Variants in PDE4D observed in about 807,000 individuals in gnomAD.
PDE4D encodes the protein 3',5'-cyclic-AMP phosphodiesterase 4D.
PDE4D carries 24 observed loss-of-function variants against 87.4 expected under a neutral mutation model. The observed-to-expected ratio is 0.27, with a 90% CI of 0.20 to 0.39. The LOEUF is 0.39. PDE4D is among the 10% of genes least tolerant of loss of function. The pLI, the probability that PDE4D is intolerant of heterozygous loss-of-function variation, is 1.00. For missense variants in PDE4D, 714 were observed against 1,041.0 expected, an observed-to-expected ratio of 0.69 and a Z score of 4.32; for synonymous variants, 384 against 383.2, an observed-to-expected ratio of 1.00 and a Z score of -0.02.
chr5:60,172,570 A>G (rs1301456274), intron 2 of PDE4D, among the ~76,000 whole-genome samples: 2 of 152,042 alleles, frequency 1.3e-5, no homozygotes, highest in African/African-American at 4.8e-5. Flanking sequence ...TTCTCTTCCC[A>G]GCTTGAGGCA....
At chr5:60,148,827 G>A (rs1035912583) in intron 2 of PDE4D, among the ~76,000 whole-genome samples, 1 of 152,126 alleles carries the variant, frequency 6.6e-6, no homozygotes, top group Admixed American at 6.5e-5. Flanking sequence ...GTTTTGAATA[G>A]AACATGGCCA....
At chr5:60,286,493 T>C (rs1463844855) in intron 1 of PDE4D, among the ~76,000 whole-genome samples, 1 of 149,986 alleles carries the variant, frequency 6.7e-6, no homozygotes, top group Non-Finnish European at 1.5e-5. Context: ...TGTGTCAGAA[T>C]AGCTGCAAAT....
At chr5:59,490,416 C>T (rs1436373744) in intron 1 of PDE4D, among the ~76,000 whole-genome samples, 1 of 152,084 alleles carries the variant, frequency 6.6e-6, no homozygotes, top group African/African-American at 2.4e-5. Context: ...GCTTTTATCT[C>T]ATTTTTTAAG....
At chr5:59,611,462 CT>C (rs1828996454) in intron 1 of PDE4D, among the ~76,000 whole-genome samples, 1 of 152,124 alleles carries the variant, frequency 6.6e-6, no homozygotes, top group African/African-American at 2.4e-5. Context: ...GTTCTCTCCC[CT>C]AGCACCCTTG....
chr5:59,516,563 T>G (rs545766536), intron 1 of PDE4D, among the ~76,000 whole-genome samples: 2 of 152,348 alleles, frequency 1.3e-5, no homozygotes, highest in African/African-American at 4.8e-5. Context: ...AAACTGCTAC[T>G]AAAGTATTTT....
At chr5:59,189,253 G>GTTTTTTTTTTTTTT (rs5868167) in intron 3 of PDE4D, among the ~76,000 whole-genome samples, 2 of 120,848 alleles carry the variant, frequency 1.7e-5, no homozygotes, top group African/African-American at 3.2e-5. Context: ...TGTTTTTTTT[G>GTTTTTTTTTTTTTT]TTTTTTTTTT....
At chr5:60,160,811 T>G in intron 2 of PDE4D, 1 of 453,996 alleles carries the variant, frequency 2.2e-6, no homozygotes. Context: ...ATCTCTTACT[T>G]TTTGTCCTAA....
At chr5:60,238,009 T>C (rs1397332469) in intron 1 of PDE4D, among the ~76,000 whole-genome samples, 1 of 151,970 alleles carries the variant, frequency 6.6e-6, no homozygotes, top group Non-Finnish European at 1.5e-5. Context: ...AGAAAAATCC[T>C]ACAATTGGTG....
chr5:59,583,330 G>T (rs959687961), intron 1 of PDE4D, among the ~76,000 whole-genome samples: 1 of 152,104 alleles, frequency 6.6e-6, no homozygotes, highest in Admixed American at 6.6e-5. Flanking sequence ...TAAATTCCTA[G>T]AAAGCTGACT....
Position 59,109,058 on chromosome 5 carries a change from G to A in PDE4D, c.809-70087C>T, listed in dbSNP as rs570051646. On this transcript the variant is annotated intron_variant, in intron 5 of 14. Transcript: ENST00000340635. ...GATTTATAAAAGTTATTCCCTATGC[G>A]TGATACATTCTCATCTTTTTCTACT... 6.1e-4 allele frequency among the ~76,000 whole-genome samples: 92 copies of A among 150,948 alleles called. 1 individual carries two copies. Among genetic ancestry groups the A allele is most frequent in the South Asian group, 8.5e-4 (4 of 4,720 alleles).
rs552755175 is a variant in PDE4D, at chr5:60,214,681, T to C, written c.-89-28994A>G. Among the ~76,000 whole-genome samples, 14 of 152,310 alleles carry C rather than the reference T, an allele frequency of 9.2e-5. No homozygotes were observed. The South Asian group carries it at 1.4e-3, about 16-fold the overall frequency. On this transcript the variant is annotated intron_variant, in intron 1 of 16. Transcript: ENST00000502484. The stretch of plus-strand genomic sequence containing the variant: ...ATATTATGGACAAGTATTTTAACCA[T>C]GGTGCATGGTCCTTCAGAAACTGAA...
At chr5:59,392,537 G>C (rs1216422289) in intron 1 of PDE4D, among the ~76,000 whole-genome samples, 4 of 116,914 alleles carry the variant, frequency 3.4e-5, no homozygotes, top group Non-Finnish European at 7.2e-5. Flanking sequence ...CATTAATTCT[G>C]TTCTTCCAGA....
intron 1 of PDE4D, among the ~76,000 whole-genome samples, chr5:60,231,376 T>A (rs59518781): frequency 0.42 from 63,043 of 151,706 alleles, 13,561 homozygotes; most frequent in African/African-American, 0.5. Context: ...ATATAAACTT[T>A]GTGGCAAATT....
intron 1 of PDE4D, among the ~76,000 whole-genome samples, chr5:59,360,259 G>A (rs1228855112): frequency 2.6e-5 from 4 of 152,152 alleles, no homozygotes; most frequent in Non-Finnish European, 5.9e-5. Context: ...CGGAAGAGAC[G>A]AGGGTTGAGC....
intron 1 of PDE4D, among the ~76,000 whole-genome samples, chr5:60,452,634 T>C (rs1007498438): frequency 1.3e-5 from 2 of 152,054 alleles, no homozygotes; most frequent in African/African-American, 2.4e-5. Flanking sequence ...ACGTAATAAC[T>C]GCCACAAATG....
chr5:59,413,414 C>T (rs982305995), intron 1 of PDE4D, among the ~76,000 whole-genome samples: 8 of 140,956 alleles, frequency 5.7e-5, no homozygotes, highest in Non-Finnish European at 1.1e-4. Flanking sequence ...GCCGAGATCG[C>T]GCCACTACAC....
intron 2 of PDE4D, among the ~76,000 whole-genome samples, chr5:60,014,463 A>T (rs576859891): frequency 1.2e-4 from 18 of 152,352 alleles, no homozygotes; most frequent in Admixed American, 3.9e-4. Context: ...CTCTGATCAA[A>T]TCAAGTACTG....
upstream of PDE4D, among the ~76,000 whole-genome samples, chr5:60,492,124 T>TAAAAAAA (rs776940230): frequency 3.8e-5 from 5 of 130,456 alleles, no homozygotes; most frequent in Non-Finnish European, 1.7e-5. Flanking sequence ...AAAGTATAAT[T>TAAAAAAA]AAAAAAAAAA....
Position 59,143,075 on chromosome 5 carries a change from T to C in PDE4D, c.808+37520A>G, listed in dbSNP as rs559058460. On this transcript the variant is annotated intron_variant, in intron 5 of 14. Coordinates refer to ENST00000340635, the MANE Select transcript of PDE4D (RefSeq NM_001104631.2). ...TATAGAGGAATGAAGTTACTTTTTATTTCCTTTCTTTTCCTTTACTGTTTC... is the reference window on the plus strand; with the variant it reads ...TATAGAGGAATGAAGTTACTTTTTACTTCCTTTCTTTTCCTTTACTGTTTC... Among the ~76,000 whole-genome samples, 818 of 152,194 alleles carry C rather than the reference T, an allele frequency of 5.4e-3. 5 individuals are homozygous for C. The highest frequency in any genetic ancestry group is 0.022 in the South Asian group (106 of 4,822).
Sources: gnomAD v4.1 joint callset for allele counts (sites outside exome capture counted in the v4.1 genomes callset) on GRCh38, gnomAD v4.1.1 for gene constraint, MANE v1.5 for transcripts, NCBI Gene and HGNC (gene_info 2026-07-23, HGNC 2026-07-21) for gene names.